Variants in ZNF791 observed in about 807,000 individuals in gnomAD.
ZNF791 encodes zinc finger protein 791.
A neutral mutation model predicts 11.5 loss-of-function variants in ZNF791; 4 were observed. The observed-to-expected ratio is 0.35, with a 90% CI of 0.17 to 0.80. The LOEUF (loss-of-function observed/expected upper bound fraction) is 0.80, where lower values mean the gene tolerates loss of function less well. Among genes scored for constraint, ZNF791 ranks in the 30% least tolerant of loss-of-function variants. ZNF791 has a pLI of 0.53. For synonymous variants in ZNF791, 212 were observed against 228.1 expected, an observed-to-expected ratio of 0.93 and a Z score of 0.64; for missense variants, 559 against 699.4, an observed-to-expected ratio of 0.80 and a Z score of 2.26.
At chr19:12,627,279 C>T (rs13346156) in intron 3 of ZNF791, among the ~76,000 whole-genome samples, 6,563 of 152,026 alleles carry the variant, frequency 0.043, 488 homozygotes, top group African/African-American at 0.15. Context: ...TGAGTATATT[C>T]GTTTTTAAAC....
rs765886767 is a variant in ZNF791, at chr19:12,627,802, G to A, written c.273G>A (p.Thr91=). ...AENFSPNLSV[T]KKTAGVKPYE... is the part of the protein sequence containing the mutation. ...ACTTCAGTCCCAATCTCAGTGTGAC[G>A]AAGAAGACTGCCGGAGTAAAACCAT... The change falls in exon 4 of 4, where the codon ACG becomes ACA. Residue 91 remains threonine (T), a synonymous_variant. Transcript: ENST00000343325. 3.1e-5 allele frequency: 50 copies of A among 1,614,026 alleles called. No homozygotes were observed. The highest frequency in any genetic ancestry group is 3.7e-5 in the Non-Finnish European group (44 of 1,180,018).
At chr19:12,614,892 C>CTT (rs57575424) in intron 1 of ZNF791, among the ~76,000 whole-genome samples, 608 of 17,548 alleles carry the variant, frequency 0.035, 243 homozygotes, top group Non-Finnish European at 0.057. Context: ...TGCGTCCGGC[C>CTT]TTTTTTTTTT....
intron 1 of ZNF791, among the ~76,000 whole-genome samples, chr19:12,616,857 CTT>C (rs1236076073): frequency 1.1e-4 from 4 of 36,996 alleles, no homozygotes; most frequent in Non-Finnish European, 3.7e-4. Context: ...TGAAGTGAAA[CTT>C]ATTTTTTCCT....
intron 1 of ZNF791, among the ~76,000 whole-genome samples, chr19:12,619,478 CTCGAT>C (rs2023300990): frequency 8.2e-6 from 1 of 121,416 alleles, no homozygotes. Context: ...GAGACGGAGT[CTCGAT>C]TTGTCTCCCA....
chr19:12,618,719 T>C (rs979614585), intron 1 of ZNF791, among the ~76,000 whole-genome samples: 3 of 150,186 alleles, frequency 2.0e-5, no homozygotes, highest in Non-Finnish European at 4.4e-5. Context: ...GCCGAGATCA[T>C]GCCACTGCAC....
intron 2 of ZNF791, 29 bp downstream of exon 2, chr19:12,623,855 C>CTT (rs66469937): frequency 1.4e-3 from 707 of 508,046 alleles, no homozygotes; most frequent in African/African-American, 2.8e-3. Context: ...TTTCTTTTTT[C>CTT]TTTTTTTTTT....
Position 12,627,834 on chromosome 19 carries a change from G to A in ZNF791, c.305G>A (p.Cys102Tyr). 1 of 1,614,112 alleles carries A rather than the reference G, an allele frequency of 6.2e-7. No individual in the cohort carries two copies. The highest frequency in any genetic ancestry group is 8.5e-7 in the Non-Finnish European group (1 of 1,180,020). The change falls in exon 4 of 4, where the codon TGT (cysteine) becomes TAT (tyrosine). Residue 102 changes from cysteine (C) to tyrosine (Y), a missense_variant. Physicochemically the swap from Cys to Tyr is radical, Grantham distance 194. Transcript: ENST00000343325. The part of the protein sequence containing the change: ...KKTAGVKPYE[C>Y]TICGKAFMRL... ...ACTGCCGGAGTAAAACCATATGAGT[G>A]TACTATCTGTGGAAAAGCCTTCATG...
At chr19:12,611,920 AAT>A (rs984205978) in intron 1 of ZNF791, among the ~76,000 whole-genome samples, 7 of 152,232 alleles carry the variant, frequency 4.6e-5, no homozygotes, top group Admixed American at 6.5e-5. Context: ...ATAAATATAA[AAT>A]ATATGTTATC....
intron 1 of ZNF791, among the ~76,000 whole-genome samples, chr19:12,613,525 G>A (rs1203632412): frequency 6.6e-6 from 1 of 152,114 alleles, no homozygotes; most frequent in Non-Finnish European, 1.5e-5. Flanking sequence ...AGCTTGCAGT[G>A]AGCCGAGATC....
At chr19:12,614,744 G>T (rs980753650) in intron 1 of ZNF791, among the ~76,000 whole-genome samples, 5 of 151,714 alleles carry the variant, frequency 3.3e-5, no homozygotes, top group Non-Finnish European at 7.4e-5. Context: ...ACAGGCGTGC[G>T]CCACCATGCC....
In ZNF791 at chr19:12,611,085, G is replaced by A. The variant is rs754778926; in HGVS notation, c.3+3G>A. The A allele has an allele frequency of 4.3e-6, 7 of 1,614,130 alleles. No individual in the cohort carries two copies. Among genetic ancestry groups the A allele is most frequent in the Non-Finnish European group, 5.9e-6 (7 of 1,180,026 alleles). ...GACACCCGCGAGGCCGGAAAATGGT[G>A]AGTGTGCAGGGCCGGACTAGTTGGA... is the stretch of plus-strand genomic sequence containing the variant. On this transcript the variant is annotated splice_donor_region_variant and intron_variant, in intron 1 of 3. Coordinates refer to ENST00000343325, the MANE Select transcript of ZNF791 (RefSeq NM_153358.3).
intron 1 of ZNF791, among the ~76,000 whole-genome samples, chr19:12,614,507 G>A (rs2023209533): frequency 6.6e-6 from 1 of 152,080 alleles, no homozygotes; most frequent in Non-Finnish European, 1.5e-5. Context: ...AAAGTGCTGA[G>A]ATTACAGGTG....
intron 2 of ZNF791, 114 bp from the exon 3 acceptor site, chr19:12,624,536 A>G: frequency 1.3e-6 from 1 of 761,480 alleles, no homozygotes; most frequent in South Asian, 2.2e-5. Flanking sequence ...TCTGAAAAGG[A>G]AACACTTCTG....
At chr19:12,625,124 T>C (rs776208038) in intron 3 of ZNF791, among the ~76,000 whole-genome samples, 2 of 151,188 alleles carry the variant, frequency 1.3e-5, no homozygotes, top group African/African-American at 2.4e-5. Context: ...TTATTTGTTT[T>C]ATTTATTTTT....
Position 12,630,938 on chromosome 19 carries a change from GA to G in ZNF791, c.*1684del, listed in dbSNP as rs2023495505. ...AAGTTAAGGTTTATTCATTATTGAG[GA>G]AAAAATGTTTTTATGAATGTAGTGT... On this transcript the variant is annotated 3_prime_UTR_variant, in exon 4 of 4. Coordinates refer to ENST00000343325, the MANE Select transcript of ZNF791 (RefSeq NM_153358.3). 1 of 152,096 alleles carries G rather than the reference GA, an allele frequency of 6.6e-6. No homozygotes were observed. The highest frequency in any genetic ancestry group is 2.4e-5 in the African/African-American group (1 of 41,430). The allele number at this position is 152,096 out of a possible 1,614,324, so 9.4% of individuals were successfully genotyped here.
chr19:12,631,210 C>T lies in ZNF791; in HGVS notation c.*1950C>T, dbSNP rs1479258761. 1.3e-5 allele frequency: 2 copies of T among 152,164 alleles called. No individual in the cohort carries two copies. The highest frequency in any genetic ancestry group is 2.9e-5 in the Non-Finnish European group (2 of 68,036). 9.4% of individuals were successfully genotyped at this position (152,164 alleles called of 1,614,324 possible). Reference sequence around the variant, plus strand: ...TTACAATTTCCTACAGTGTTCAGTACAACAACATGTTGTATGGTTTATAGC... The same window carrying T: ...TTACAATTTCCTACAGTGTTCAGTATAACAACATGTTGTATGGTTTATAGC... On this transcript the variant is annotated 3_prime_UTR_variant, in exon 4 of 4. Transcript: ENST00000343325.
At chr19:12,614,156 C>G (rs1010965902) in intron 1 of ZNF791, among the ~76,000 whole-genome samples, 8 of 152,192 alleles carry the variant, frequency 5.3e-5, no homozygotes, top group African/African-American at 1.7e-4. Context: ...AGGTGTGGAG[C>G]TCCCATAGTT....
At chr19:12,616,304 G>C (rs2023244171) in intron 1 of ZNF791, among the ~76,000 whole-genome samples, 1 of 152,116 alleles carries the variant, frequency 6.6e-6, no homozygotes, top group South Asian at 2.1e-4. Context: ...TTAAGAGTTC[G>C]AATTGGAGGC....
rs888241270 is a variant in ZNF791 at position 12,628,941 on chromosome 19, A to G, written c.1412A>G (p.Lys471Arg). Residue 471 changes from lysine to arginine, a missense_variant, in exon 4 of 4, where the codon AAA becomes AGA. By Grantham distance (26) the Lys-to-Arg change is conservative. Transcript: ENST00000343325. ...ACTGGAGAGAAACCCTATGAATGTA[A>G]ACAATGTGGAAAAGCCTTTAGTTGT... ...THTGEKPYEC[K>R]QCGKAFSCSS... 4 of 1,613,842 alleles carry G rather than the reference A, an allele frequency of 2.5e-6. No homozygotes were observed. The highest frequency in any genetic ancestry group is 3.4e-6 in the Non-Finnish European group (4 of 1,179,966).
Sources: allele counts gnomAD v4.1 joint callset (sites outside exome capture counted in the v4.1 genomes callset), GRCh38; gene constraint gnomAD v4.1.1; transcripts MANE v1.5; gene names NCBI Gene and HGNC (gene_info 2026-07-23, HGNC 2026-07-21).